SRP19: variants seen among roughly 807,000 people sequenced by gnomAD.
SRP19 encodes signal recognition particle 19.
A neutral mutation model predicts 22.4 loss-of-function variants in SRP19; 11 were observed. The observed-to-expected ratio is 0.49, with a 90% CI of 0.31 to 0.81. The LOEUF (loss-of-function observed/expected upper bound fraction) is 0.81. Among genes scored for constraint, SRP19 ranks in the 40% least tolerant of loss-of-function variants. SRP19 has a pLI of 0.05. For missense variants in SRP19, 168 were observed against 175.9 expected, an observed-to-expected ratio of 0.96 and a Z score of 0.25; for synonymous variants, 61 against 57.6, an observed-to-expected ratio of 1.06 and a Z score of -0.27.
At chr5:112,891,772 G>C (rs775939704) in exon 5 of SRP19, 217 of 1,613,710 alleles carry the variant, frequency 1.3e-4, no homozygotes, top group Admixed American at 9.5e-4. Context: ...TCGACTGAGA[G>C]ACTCAGGACT....
At chr5:112,870,010 TATA>T (rs951792626), downstream of SRP19, among the ~76,000 whole-genome samples, 41 of 151,568 alleles carry the variant, frequency 2.7e-4, 1 homozygote, top group African/African-American at 9.9e-4. Flanking sequence ...ATAGAACAAT[TATA>T]ATAATATACT....
chr5:112,866,118 T>C (rs1186219809), intron 4 of SRP19, among the ~76,000 whole-genome samples: 1 of 34,216 alleles, frequency 2.9e-5, no homozygotes, highest in Non-Finnish European at 1.2e-4. Flanking sequence ...TCTTTTTTCT[T>C]TTTTTTTTTT....
intron 4 of SRP19, chr5:112,878,607 T>G (rs1197805287): frequency 1.1e-6 from 1 of 884,744 alleles, no homozygotes; most frequent in Non-Finnish European, 1.7e-6. Context: ...TTTAAAGTGC[T>G]CCCTATATAT....
At chr5:112,862,985 C>T (rs1767464374) in intron 2 of SRP19, among the ~76,000 whole-genome samples, 2 of 151,776 alleles carry the variant, frequency 1.3e-5, no homozygotes, top group Non-Finnish European at 2.9e-5. Context: ...AAAGTTCAGC[C>T]CTGTTGAGTT....
intron 4 of SRP19, among the ~76,000 whole-genome samples, chr5:112,866,251 G>A (rs573434550): frequency 1.3e-5 from 2 of 151,922 alleles, no homozygotes; most frequent in South Asian, 4.2e-4. Flanking sequence ...TGAGTAGCTG[G>A]GATTTCAGGC....
chr5:112,864,518 T>C lies in SRP19; in HGVS notation c.179T>C (p.Val60Ala). The change falls in exon 3 of 5, where the codon GTA (valine) becomes GCA (alanine). Residue 60 changes from valine (V) to alanine (A), a missense_variant. Transcript: ENST00000505459. ...GTATGTTCAGCAGTTGGACTTAACGTATTTCTTGAGGTATGACGTGGTTCT... is the reference window on the plus strand; with the variant it reads ...GTATGTTCAGCAGTTGGACTTAACGCATTTCTTGAGGTATGACGTGGTTCT... Reference protein sequence around the residue: ...QDVCSAVGLNVFLEKNKMYSR... With the variant: ...QDVCSAVGLNAFLEKNKMYSR... 3 of 1,614,090 alleles carry C rather than the reference T, an allele frequency of 1.9e-6. No individual in the cohort carries two copies. The highest frequency in any genetic ancestry group is 2.5e-6 in the Non-Finnish European group (3 of 1,179,970).
At chr5:112,892,015 G>C (rs1449328035) in exon 5 of SRP19, 1 of 1,310,334 alleles carries the variant, frequency 7.6e-7, no homozygotes, top group Non-Finnish European at 1.1e-6. Context: ...AGAGAGAGAA[G>C]AGGAGGAGCA....
downstream of SRP19, among the ~76,000 whole-genome samples, chr5:112,870,978 G>A (rs183151248): frequency 1.0e-3 from 157 of 152,156 alleles, 1 homozygote; most frequent in East Asian, 2.3e-3. Flanking sequence ...TCAGCCTCCC[G>A]AGTAGCTGGG....
At chr5:112,887,302 C>G in intron 4 of SRP19, 2 of 949,600 alleles carry the variant, frequency 2.1e-6, no homozygotes, top group Admixed American at 3.3e-5. Context: ...TCCCCAAAGG[C>G]ATTACCAGTG....
intron 4 of SRP19, chr5:112,877,431 A>T (rs1383151653): frequency 6.6e-6 from 1 of 152,148 alleles, no homozygotes; most frequent in East Asian, 1.9e-4. Context: ...TTTCTAGTCC[A>T]GACAAATTGC....
chr5:112,881,412 C>G (rs1369603920), intron 4 of SRP19, among the ~76,000 whole-genome samples: 1 of 152,140 alleles, frequency 6.6e-6, no homozygotes, highest in Non-Finnish European at 1.5e-5. Context: ...AACCTTTCTC[C>G]AATTTCTAAA....
intron 4 of SRP19, chr5:112,878,944 A>T: frequency 6.5e-7 from 1 of 1,547,090 alleles, no homozygotes; most frequent in Non-Finnish European, 8.9e-7. Flanking sequence ...AACTTGGATG[A>T]CTCATGTTCA....
chr5:112,875,490 T>A (rs116102362), intron 4 of SRP19, among the ~76,000 whole-genome samples: 3,166 of 151,682 alleles, frequency 0.021, 104 homozygotes, highest in African/African-American at 0.073. Flanking sequence ...CTCAGCCTCC[T>A]GAGGAGCTGG....
At chr5:112,892,311 T>C (rs1315121097) in exon 5 of SRP19, 3 of 1,614,120 alleles carry the variant, frequency 1.9e-6, no homozygotes, top group Non-Finnish European at 2.5e-6. Flanking sequence ...GGGATGACTA[T>C]GACCCTGACG....
intron 4 of SRP19, among the ~76,000 whole-genome samples, chr5:112,881,030 G>A (rs1310131853): frequency 6.6e-6 from 1 of 151,004 alleles, no homozygotes; most frequent in Non-Finnish European, 1.5e-5. Context: ...TTGGGAGGCT[G>A]AGGCAGCAGA....
At chr5:112,873,242 T>G (rs79782849), downstream of SRP19, among the ~76,000 whole-genome samples, 214 of 149,212 alleles carry the variant, frequency 1.4e-3, 5 homozygotes, top group East Asian at 0.031. Flanking sequence ...ATTTGACTAT[T>G]AGACCTGCTG....
intron 2 of SRP19, 99 bp from the exon 3 acceptor site, chr5:112,864,358 G>A: frequency 9.7e-7 from 1 of 1,028,456 alleles, no homozygotes. Flanking sequence ...TAGGGTTTTG[G>A]TACTTGTTTG....
At chr5:112,866,647 T>C (rs569479415) in intron 4 of SRP19, among the ~76,000 whole-genome samples, 1 of 152,300 alleles carries the variant, frequency 6.6e-6, no homozygotes, top group Non-Finnish European at 1.5e-5. Flanking sequence ...GATTGTTTTT[T>C]ATATACTAAA....
chr5:112,879,620 C>T (rs1768008779), intron 4 of SRP19, among the ~76,000 whole-genome samples: 2 of 152,058 alleles, frequency 1.3e-5, no homozygotes, highest in South Asian at 2.1e-4. Flanking sequence ...ACTACATGCA[C>T]TCACCACCAC....
Sources: gnomAD v4.1 joint callset for allele counts (sites outside exome capture counted in the v4.1 genomes callset) on GRCh38, gnomAD v4.1.1 for gene constraint, MANE v1.5 for transcripts, NCBI Gene and HGNC (gene_info 2026-07-23, HGNC 2026-07-21) for gene names.